Variants in TMEM132B observed in about 807,000 individuals in gnomAD.
TMEM132B encodes the protein transmembrane protein 132B.
Under a neutral mutation model 90.8 loss-of-function variants are expected in TMEM132B, and 18 were observed. The observed-to-expected ratio is 0.20, with a 90% confidence interval of 0.14 to 0.29. TMEM132B has a LOEUF of 0.29. TMEM132B is among the 10% of genes least tolerant of loss of function. The pLI is 1.00. For synonymous variants in TMEM132B, 504 were observed against 523.3 expected (o/e 0.96, Z 0.50); for missense variants, 1,096 against 1,326.8 (o/e 0.83, Z 2.70).
At chr12:125,520,400 A>C (rs1883278494) in intron 4 of TMEM132B, among the ~76,000 whole-genome samples, 1 of 152,216 alleles carries the variant, frequency 6.6e-6, no homozygotes, top group African/African-American at 2.4e-5. Context: ...CAGATACTCT[A>C]GAAAAATCTG....
rs1051151462 is a variant in TMEM132B, at chr12:125,659,980, C to T, written c.*5270C>T. On this transcript the variant is annotated 3_prime_UTR_variant, in exon 9 of 9. Coordinates refer to ENST00000682704, the MANE Select transcript of TMEM132B (RefSeq NM_001366854.1). Reference sequence around the variant, plus strand: ...TTCCCTGGGAACATGGGAGCACTGACACAGAACTCAACTGGTCCAGCCCTT... The same window carrying T: ...TTCCCTGGGAACATGGGAGCACTGATACAGAACTCAACTGGTCCAGCCCTT... 7.9e-5 allele frequency: 12 copies of T among 152,334 alleles called. 1 individual carries two copies. 9.4% of individuals were successfully genotyped at this position (152,334 alleles called of 1,614,324 possible).
At chr12:125,550,228 G>A (rs570950311) in intron 4 of TMEM132B, among the ~76,000 whole-genome samples, 2 of 152,342 alleles carry the variant, frequency 1.3e-5, no homozygotes, top group East Asian at 1.9e-4. Context: ...CCAGTGGGCT[G>A]CAGCCATACC....
intron 1 of TMEM132B, among the ~76,000 whole-genome samples, chr12:125,220,635 G>A (rs1292436015): frequency 1.3e-5 from 2 of 152,162 alleles, no homozygotes; most frequent in Non-Finnish European, 1.5e-5. Context: ...CAGGCACCAC[G>A]GAGCTCCTGG....
Position 125,460,107 on chromosome 12 carries a change from T to G in TMEM132B, c.1106+44430T>G, listed in dbSNP as rs2136469418. Reference sequence around the variant, plus strand: ...CTAATATAACCCATTTTACCTGATGTGATTATTATGCATTGCATGCCTGTG... The same window carrying G: ...CTAATATAACCCATTTTACCTGATGGGATTATTATGCATTGCATGCCTGTG... On this transcript the variant is annotated intron_variant, in intron 3 of 8. Transcript: ENST00000682704. This position sits in a 1 kb window ranked among gnomAD's most constrained non-coding sequence, Gnocchi z 4.4. Among the ~76,000 whole-genome samples, 1 of 152,332 alleles carries G rather than the reference T, an allele frequency of 6.6e-6. No individual in the cohort carries two copies. Among genetic ancestry groups the G allele is most frequent in the Non-Finnish European group, 1.5e-5 (1 of 68,030 alleles).
At chr12:125,217,908 G>A (rs143035457) in intron 1 of TMEM132B, among the ~76,000 whole-genome samples, 1 of 152,166 alleles carries the variant, frequency 6.6e-6, no homozygotes, top group Admixed American at 6.5e-5. Flanking sequence ...GCAGTTGTTC[G>A]TAAGAGGAGA....
intron 1 of TMEM132B, among the ~76,000 whole-genome samples, chr12:125,323,998 C>T (rs999125491): frequency 6.6e-6 from 1 of 152,084 alleles, no homozygotes; most frequent in African/African-American, 2.4e-5. Context: ...AACAAACCCC[C>T]CAACCGTGAA....
intron 1 of TMEM132B, among the ~76,000 whole-genome samples, chr12:125,321,476 CT>C (rs34356043): frequency 0.66 from 86,115 of 129,864 alleles, 27,380 homozygotes; most frequent in East Asian, 0.78. Context: ...GAAAATGATT[CT>C]TTTTTTTTTT....
In TMEM132B at chr12:125,489,698, C is replaced by T. The variant is rs552408672; in HGVS notation, c.1107-29741C>T. The stretch of plus-strand genomic sequence containing the variant: ...AAGTACTGGAATTACAGTCATGATC[C>T]GCCATGCCAGGCCATTAGTTTAAGT... On this transcript the variant is annotated intron_variant, in intron 3 of 8. Coordinates refer to ENST00000682704, the MANE Select transcript of TMEM132B (RefSeq NM_001366854.1). 2.1e-4 allele frequency among the ~76,000 whole-genome samples: 32 copies of T among 152,270 alleles called. 1 individual carries two copies. The South Asian group carries it at 5.0e-3, about 24-fold the overall frequency.
intron 6 of TMEM132B, among the ~76,000 whole-genome samples, chr12:125,648,659 A>G (rs189679310): frequency 6.6e-6 from 1 of 151,868 alleles, no homozygotes; most frequent in Non-Finnish European, 1.5e-5. Context: ...ATTTTGTTTC[A>G]TTACTACAGG....
intron 3 of TMEM132B, among the ~76,000 whole-genome samples, chr12:125,505,936 A>G (rs1363032219): frequency 6.6e-6 from 1 of 152,242 alleles, no homozygotes; most frequent in Non-Finnish European, 1.5e-5. Context: ...ATATATTTGA[A>G]GAGGTAATGC....
chr12:125,570,806 G>A (rs529887147), intron 4 of TMEM132B, among the ~76,000 whole-genome samples: 1 of 152,140 alleles, frequency 6.6e-6, no homozygotes, highest in African/African-American at 2.4e-5. Context: ...CAAGGTGTCT[G>A]AGGGCCCAAT....
chr12:125,261,949 G>C (rs1874577139), intron 1 of TMEM132B, among the ~76,000 whole-genome samples: 1 of 152,118 alleles, frequency 6.6e-6, no homozygotes. Flanking sequence ...TCCAACGTCG[G>C]CCTCCCAAAG....
intron 3 of TMEM132B, among the ~76,000 whole-genome samples, chr12:125,435,446 G>T (rs1880672321): frequency 6.6e-6 from 1 of 152,094 alleles, no homozygotes; most frequent in Non-Finnish European, 1.5e-5. Flanking sequence ...CAGGGGGAGG[G>T]GTTAGACACA....
rs181090319 is a variant in TMEM132B at position 125,630,164 on chromosome 12, G to A, written c.1438-13912G>A. On this transcript the variant is annotated intron_variant, in intron 5 of 8. Transcript: ENST00000682704. ...ATACTAGCCTTGTAAAATGAATTTG[G>A]AAGTATTCCCTCCTCCTCTGTTTTT... Among the ~76,000 whole-genome samples the A allele has an allele frequency of 3.3e-5, 5 of 152,214 alleles. No homozygotes were observed. In the East Asian group the frequency reaches 9.6e-4, roughly 29 times the overall value.
chr12:125,431,586 C>T (rs181253865), intron 3 of TMEM132B, among the ~76,000 whole-genome samples: 30 of 152,222 alleles, frequency 2.0e-4, no homozygotes, highest in East Asian at 3.9e-4. Context: ...CTGTGGGCCA[C>T]GGCTGCTTTT....
At chr12:125,560,200 G>A (rs1046398832) in intron 4 of TMEM132B, among the ~76,000 whole-genome samples, 1 of 152,168 alleles carries the variant, frequency 6.6e-6, no homozygotes, top group Non-Finnish European at 1.5e-5. Context: ...GCCAGGTGCT[G>A]ATTGCCTGCT....
chr12:125,496,019 G>A (rs1024187867), intron 3 of TMEM132B, among the ~76,000 whole-genome samples: 1 of 152,168 alleles, frequency 6.6e-6, no homozygotes. Flanking sequence ...ATTGAGATTC[G>A]CTGAAGTTGT....
intron 3 of TMEM132B, among the ~76,000 whole-genome samples, chr12:125,456,695 C>T (rs1184251933): frequency 1.3e-5 from 2 of 152,196 alleles, no homozygotes; most frequent in Non-Finnish European, 2.9e-5. Context: ...TGCTTATTCC[C>T]AGGCCTCCCC....
chr12:125,344,431 AAG>A (rs1877292913), intron 1 of TMEM132B, among the ~76,000 whole-genome samples: 1 of 152,164 alleles, frequency 6.6e-6, no homozygotes, highest in African/African-American at 2.4e-5. Flanking sequence ...GGAAAAGGGG[AAG>A]AGGTTAGGTT....
Sources: gnomAD v4.1 joint callset for allele counts (sites outside exome capture counted in the v4.1 genomes callset) on GRCh38, gnomAD v4.1.1 for gene constraint, Gnocchi (gnomAD v3.1) non-coding constraint, MANE v1.5 for transcripts, NCBI Gene and HGNC (gene_info 2026-07-23, HGNC 2026-07-21) for gene names.